The following THSD7B variants were observed in gnomAD, a reference collection of about 807,000 sequenced individuals.
The protein encoded by THSD7B is thrombospondin type-1 domain-containing protein 7B.
Under a neutral mutation model 213.6 loss-of-function variants are expected in THSD7B, and 138 were observed. The ratio of observed to expected loss-of-function variants is 0.65; its 90% CI spans 0.56 to 0.74. THSD7B has a LOEUF of 0.74. Among genes scored for constraint, THSD7B ranks in the 30% least tolerant of loss-of-function variants. The pLI is 0.00. For missense variants in THSD7B, 1,931 were observed against 1,991.5 expected, an observed-to-expected ratio of 0.97 and a Z score of 0.58; for synonymous variants, 742 against 687.0, an observed-to-expected ratio of 1.08 and a Z score of -1.25.
At chr2:137,057,609 T>G (rs1336094887) in intron 3 of THSD7B, among the ~76,000 whole-genome samples, 1 of 152,250 alleles carries the variant, frequency 6.6e-6, no homozygotes, top group Admixed American at 6.5e-5. Flanking sequence ...ATATGAATTA[T>G]GTAAATATTT....
intron 17 of THSD7B, among the ~76,000 whole-genome samples, chr2:137,581,052 G>A (rs187453149): frequency 5.9e-5 from 9 of 152,116 alleles, no homozygotes; most frequent in African/African-American, 2.2e-4. Context: ...GATATAATAT[G>A]TCTGAGCTTT....
chr2:136,962,845 T>C (rs963311180), intron 2 of THSD7B, among the ~76,000 whole-genome samples: 1 of 152,086 alleles, frequency 6.6e-6, no homozygotes, highest in African/African-American at 2.4e-5. Context: ...GTTTGTGGGG[T>C]CTTTAAATTT....
chr2:137,219,640 A>G (rs1681322666), intron 7 of THSD7B, among the ~76,000 whole-genome samples: 1 of 152,184 alleles, frequency 6.6e-6, no homozygotes, highest in South Asian at 2.1e-4. Flanking sequence ...ATTATATCAT[A>G]AAAACTAGTA....
chr2:136,971,211 G>A (rs192412338), intron 2 of THSD7B, among the ~76,000 whole-genome samples: 3 of 152,216 alleles, frequency 2.0e-5, no homozygotes, highest in Admixed American at 1.3e-4. Context: ...TTCCAAAAAC[G>A]AGTACCCATG....
At chr2:136,990,782 T>C in intron 2 of THSD7B, 1 of 693,266 alleles carries the variant, frequency 1.4e-6, no homozygotes, top group Non-Finnish European at 2.3e-6. Context: ...GAGATGGAGA[T>C]ACTGATTAGG....
intron 6 of THSD7B, among the ~76,000 whole-genome samples, chr2:137,166,556 C>T (rs555496420): frequency 3.2e-4 from 48 of 152,236 alleles, no homozygotes; most frequent in African/African-American, 1.1e-3. Flanking sequence ...GGGATTCCTT[C>T]CCTCAGTGAG....
intron 2 of THSD7B, among the ~76,000 whole-genome samples, chr2:136,991,704 TC>T (rs1685787329): frequency 1.3e-5 from 2 of 152,330 alleles, no homozygotes; most frequent in African/African-American, 4.8e-5. Flanking sequence ...AATTAAGGAT[TC>T]TTGTTGGCCT....
At chr2:137,385,067 T>C (rs1685860703) in intron 12 of THSD7B, among the ~76,000 whole-genome samples, 1 of 152,056 alleles carries the variant, frequency 6.6e-6, no homozygotes, top group African/African-American at 2.4e-5. Context: ...CCCAGGGAGC[T>C]TCAAAGAATT....
At chr2:137,671,247 T>TTTAA (rs1558878812) in intron 27 of THSD7B, among the ~76,000 whole-genome samples, 1 of 133,508 alleles carries the variant, frequency 7.5e-6, no homozygotes, top group South Asian at 2.3e-4. Context: ...TTTTTTTTTT[T>TTTAA]AAAAAAAAAA....
At chr2:136,928,875 TC>T (rs369956208) in intron 2 of THSD7B, among the ~76,000 whole-genome samples, 60 of 152,232 alleles carry the variant, frequency 3.9e-4, no homozygotes, top group African/African-American at 1.4e-3. Context: ...AAAAATCACT[TC>T]CCTTTTTTCC....
chr2:136,893,556 A>G (rs777727602), intron 2 of THSD7B, among the ~76,000 whole-genome samples: 1 of 152,196 alleles, frequency 6.6e-6, no homozygotes, highest in Non-Finnish European at 1.5e-5. Flanking sequence ...TAAACTAAAG[A>G]CTGAACAACA....
At chr2:137,377,564 A>G (rs1417119077) in intron 12 of THSD7B, among the ~76,000 whole-genome samples, 1 of 152,076 alleles carries the variant, frequency 6.6e-6, no homozygotes, top group Non-Finnish European at 1.5e-5. Context: ...AAAAAATTAC[A>G]TCATTTAAGA....
At chr2:136,787,274 T>G (rs1573637969) in intron 1 of THSD7B, among the ~76,000 whole-genome samples, 1 of 152,190 alleles carries the variant, frequency 6.6e-6, no homozygotes, top group African/African-American at 2.4e-5. Context: ...GAATATTTTT[T>G]TCTTTATATC....
intron 10 of THSD7B, among the ~76,000 whole-genome samples, chr2:137,269,012 T>C (rs943654221): frequency 3.3e-5 from 5 of 152,074 alleles, no homozygotes; most frequent in Non-Finnish European, 7.4e-5. Flanking sequence ...AATATGTCCA[T>C]TGCAAAGTTC....
At chr2:136,872,451 T>C (rs1411159021) in intron 1 of THSD7B, among the ~76,000 whole-genome samples, 1 of 152,112 alleles carries the variant, frequency 6.6e-6, no homozygotes, top group Non-Finnish European at 1.5e-5. Context: ...TACTTCTGCC[T>C]CCTAATCTTT....
At chr2:136,767,051 A>G (rs1681411696) in intron 1 of THSD7B, among the ~76,000 whole-genome samples, 1 of 151,846 alleles carries the variant, frequency 6.6e-6, no homozygotes, top group Non-Finnish European at 1.5e-5. Context: ...TTGACAGGTA[A>G]TCTTTGGATG....
At chr2:137,314,392 C>G (rs1573955176) in intron 12 of THSD7B, among the ~76,000 whole-genome samples, 1 of 152,132 alleles carries the variant, frequency 6.6e-6, no homozygotes, top group East Asian at 1.9e-4. Flanking sequence ...ATTGGTTATT[C>G]TAGTTATACA....
intron 7 of THSD7B, among the ~76,000 whole-genome samples, chr2:137,224,385 A>C (rs1681449678): frequency 6.6e-6 from 1 of 152,194 alleles, no homozygotes; most frequent in African/African-American, 2.4e-5. Context: ...TCCATGTCCA[A>C]ATTCAAGCTC....
chr2:137,265,675 C>T (rs1314237180), intron 10 of THSD7B, among the ~76,000 whole-genome samples: 1 of 152,036 alleles, frequency 6.6e-6, no homozygotes, highest in East Asian at 1.9e-4. Context: ...CAGTGCAGTC[C>T]GTCTACCTTT....
Sources: gnomAD v4.1 joint callset for allele counts (sites outside exome capture counted in the v4.1 genomes callset) on GRCh38, gnomAD v4.1.1 for gene constraint, MANE v1.5 for transcripts, NCBI Gene and HGNC (gene_info 2026-07-23, HGNC 2026-07-21) for gene names.